RBFOX1: variants seen among roughly 807,000 people sequenced by gnomAD.
The protein encoded by RBFOX1 is RNA binding fox-1 homolog 1, also known as RNA binding protein fox-1 homolog 1.
RBFOX1 carries 8 observed loss-of-function variants against 57.7 expected under a neutral mutation model. The ratio of observed to expected loss-of-function variants is 0.14; its 90% CI spans 0.08 to 0.25. The LOEUF (loss-of-function observed/expected upper bound fraction) is 0.25, where lower values mean the gene tolerates loss of function less well. Ranked by LOEUF, RBFOX1 falls within the 10% of genes least tolerant of loss-of-function variation. The pLI, the probability that RBFOX1 is intolerant of heterozygous loss-of-function variation, is 1.00. For synonymous variants in RBFOX1, 326 were observed against 222.4 expected (o/e 1.47, Z -4.15); for missense variants, 611 against 548.5 (o/e 1.11, Z -1.14).
chr16:6,999,206 A>ATTTTATT (rs1568299754), intron 3 of RBFOX1, among the ~76,000 whole-genome samples: 2 of 72,134 alleles, frequency 2.8e-5, no homozygotes, highest in Non-Finnish European at 5.4e-5. Flanking sequence ...TTTATTTTTT[A>ATTTTATT]TTTTTATTTA....
intron 3 of RBFOX1, among the ~76,000 whole-genome samples, chr16:6,903,644 G>A (rs1168307372): frequency 1.3e-5 from 2 of 152,092 alleles, no homozygotes; most frequent in Non-Finnish European, 2.9e-5. Flanking sequence ...ACTGTCCTTT[G>A]GATAAGCAGG....
chr16:6,807,954 C>T (rs986536089), intron 3 of RBFOX1, among the ~76,000 whole-genome samples: 1 of 143,584 alleles, frequency 7.0e-6, no homozygotes. Flanking sequence ...GTAATATATG[C>T]ATTATATATA....
chr16:7,156,926 A>G (rs1296672564), intron 4 of RBFOX1, among the ~76,000 whole-genome samples: 1 of 152,214 alleles, frequency 6.6e-6, no homozygotes, highest in Non-Finnish European at 1.5e-5. Context: ...CCTATAATAT[A>G]TGTGATAACC....
intron 1 of RBFOX1, chr16:5,366,339 G>A (rs1373010390): frequency 8.2e-6 from 3 of 365,178 alleles, no homozygotes; most frequent in Non-Finnish European, 1.6e-5. Flanking sequence ...TTTTGATGAT[G>A]ATGATGATTT....
intron 2 of RBFOX1, among the ~76,000 whole-genome samples, chr16:6,380,189 A>T (rs2091646607): frequency 6.6e-6 from 1 of 151,958 alleles, no homozygotes; most frequent in Non-Finnish European, 1.5e-5. Context: ...AAAATGGGAG[A>T]AGGAATTGGC....
At chr16:5,573,113 G>C (rs1339108084) in intron 2 of RBFOX1, among the ~76,000 whole-genome samples, 1 of 152,170 alleles carries the variant, frequency 6.6e-6, no homozygotes, top group African/African-American at 2.4e-5. Flanking sequence ...TGGAGATGAC[G>C]AGAATTGGGA....
intron 3 of RBFOX1, among the ~76,000 whole-genome samples, chr16:5,841,462 C>T (rs1168622619): frequency 5.3e-5 from 8 of 152,208 alleles, no homozygotes; most frequent in African/African-American, 1.9e-4. Flanking sequence ...AATTTCCTCA[C>T]CTTGTCCCTC....
At chr16:5,424,941 C>CTTTGT (rs1261810120) in intron 1 of RBFOX1, among the ~76,000 whole-genome samples, 788 of 44,580 alleles carry the variant, frequency 0.018, 15 homozygotes, top group Non-Finnish European at 0.025. Context: ...CTTTCTCTCT[C>CTTTGT]TTCTTTCTTC....
chr16:5,861,353 C>A (rs1276033399), intron 3 of RBFOX1, among the ~76,000 whole-genome samples: 4 of 152,156 alleles, frequency 2.6e-5, no homozygotes, highest in Non-Finnish European at 5.9e-5. Flanking sequence ...ATGCATGCTG[C>A]TTCTGGGTGT....
intron 1 of RBFOX1, among the ~76,000 whole-genome samples, chr16:5,445,896 T>C (rs1010484855): frequency 1.3e-5 from 2 of 152,242 alleles, no homozygotes; most frequent in Non-Finnish European, 1.5e-5. Flanking sequence ...TCTTTTTCTT[T>C]CTTATTTTAC....
At chr16:6,910,357 C>T (rs1423309544) in intron 3 of RBFOX1, among the ~76,000 whole-genome samples, 5 of 152,160 alleles carry the variant, frequency 3.3e-5, no homozygotes, top group Non-Finnish European at 5.9e-5. Context: ...TCTCCACACC[C>T]ATCTTCCTAT....
chr16:5,451,670 A>G (rs2068429360), intron 1 of RBFOX1, among the ~76,000 whole-genome samples: 1 of 152,238 alleles, frequency 6.6e-6, no homozygotes, highest in Non-Finnish European at 1.5e-5. Context: ...GAGGCTTCAA[A>G]GGAAGGAGAG....
chr16:6,175,228 T>G (rs2096995048), intron 1 of RBFOX1, among the ~76,000 whole-genome samples: 1 of 152,092 alleles, frequency 6.6e-6, no homozygotes, highest in Admixed American at 6.6e-5. Context: ...AAGGTAGCCA[T>G]GAGGGAAAGA....
chr16:6,936,482 C>T (rs2077380362), intron 3 of RBFOX1, among the ~76,000 whole-genome samples: 1 of 152,126 alleles, frequency 6.6e-6, no homozygotes, highest in Non-Finnish European at 1.5e-5. Flanking sequence ...CTTCATCCAA[C>T]ATTGAGTAAT....
At chr16:5,471,241 G>T (rs2069124329) in intron 2 of RBFOX1, among the ~76,000 whole-genome samples, 1 of 152,220 alleles carries the variant, frequency 6.6e-6, no homozygotes, top group Non-Finnish European at 1.5e-5. Flanking sequence ...GTGAGAAAAT[G>T]GGAATTCCTA....
At chr16:7,190,304 A>C (rs2152618578) in intron 4 of RBFOX1, among the ~76,000 whole-genome samples, 1 of 152,328 alleles carries the variant, frequency 6.6e-6, no homozygotes, top group East Asian at 1.9e-4. Context: ...GGTTGCAGTG[A>C]GCTGAGATCA....
At chr16:6,335,485 A>G (rs2083515374) in intron 2 of RBFOX1, among the ~76,000 whole-genome samples, 1 of 152,120 alleles carries the variant, frequency 6.6e-6, no homozygotes, top group South Asian at 2.1e-4. Context: ...GTAAATATGA[A>G]AATAAAAAAT....
At chr16:6,074,172 C>T (rs1811319) in intron 1 of RBFOX1, among the ~76,000 whole-genome samples, 141,815 of 152,088 alleles carry the variant, frequency 0.93, 66,230 homozygotes, top group African/African-American at 0.98. Context: ...ATGGTCTTGA[C>T]CTTCTGACCT....
intron 4 of RBFOX1, among the ~76,000 whole-genome samples, chr16:5,908,070 GTA>G (rs71404561): frequency 0.13 from 16,299 of 128,922 alleles, 2,424 homozygotes; most frequent in African/African-American, 0.34. Context: ...ATGTGTGTAT[GTA>G]TATATATATA....
Sources: gnomAD v4.1 joint callset for allele counts (sites outside exome capture counted in the v4.1 genomes callset) on GRCh38, gnomAD v4.1.1 for gene constraint, MANE v1.5 for transcripts, NCBI Gene and HGNC (gene_info 2026-07-23, HGNC 2026-07-21) for gene names.